Variants in UGCG observed in about 807,000 individuals in gnomAD.
UGCG encodes UDP-glucose ceramide glucosyltransferase.
In UGCG, 10 loss-of-function variants were observed where a neutral mutation model predicts 49.5. The observed-to-expected ratio is 0.20, with a 90% confidence interval of 0.12 to 0.34. The LOEUF (loss-of-function observed/expected upper bound fraction) is 0.34. UGCG is among the 10% of genes least tolerant of loss of function. The pLI is 1.00. For synonymous variants in UGCG, 182 were observed against 158.2 expected (o/e 1.15, Z -1.13); for missense variants, 312 against 483.7 (o/e 0.65, Z 3.33).
chr9:111,921,802 A>AGTTTTTTTTTTTTTTTTTT (rs1554735821), intron 2 of UGCG, among the ~76,000 whole-genome samples: 1 of 55,536 alleles, frequency 1.8e-5, no homozygotes, highest in African/African-American at 6.6e-5. Flanking sequence ...CCCCAGGGTG[A>AGTTTTTTTTTTTTTTTTTT]TTTTTTTTTT....
chr9:111,909,059 T>G (rs568402010), intron 1 of UGCG, among the ~76,000 whole-genome samples: 1 of 152,304 alleles, frequency 6.6e-6, no homozygotes, highest in African/African-American at 2.4e-5. Context: ...GCTGGAATTA[T>G]AGGCGTGTGC....
Position 111,909,191 on chromosome 9 carries a change from ATTAT to A in UGCG, c.99-5413_99-5410del, listed in dbSNP as rs1329628472. On this transcript the variant is annotated intron_variant, in intron 1 of 8. Transcript: ENST00000374279. ...TGCCTCATCTTCCCAAAGTGCTAGA[ATTAT>A]AAGCATGAGCCACTGCACCAGCCCA... Among the ~76,000 whole-genome samples, 18 of 152,326 alleles carry A rather than the reference ATTAT, an allele frequency of 1.2e-4. 1 individual carries two copies. Among genetic ancestry groups the A allele is most frequent in the African/African-American group, 4.1e-4 (17 of 41,572 alleles).
chr9:111,912,115 A>G (rs1413315783), intron 1 of UGCG, among the ~76,000 whole-genome samples: 1 of 146,328 alleles, frequency 6.8e-6, no homozygotes, highest in African/African-American at 2.6e-5. Context: ...GATGTTCTTT[A>G]CCTGGTGGGT....
intron 3 of UGCG, 139 bp downstream of exon 3, chr9:111,923,090 C>T: frequency 2.2e-6 from 1 of 450,008 alleles, no homozygotes; most frequent in Non-Finnish European, 3.7e-6. Flanking sequence ...TGTTTACGTC[C>T]TTTTGAGAAA....
At chr9:111,899,478 A>G (rs1184878739) in intron 1 of UGCG, among the ~76,000 whole-genome samples, 2 of 152,186 alleles carry the variant, frequency 1.3e-5, no homozygotes, top group South Asian at 2.1e-4. Context: ...CTGTGCTGCA[A>G]TCTGTTGCTG....
intron 2 of UGCG, among the ~76,000 whole-genome samples, chr9:111,919,843 A>G (rs1838188607): frequency 6.6e-6 from 1 of 151,884 alleles, no homozygotes; most frequent in Admixed American, 6.6e-5. Flanking sequence ...AAAACAAGGA[A>G]CTCTTTAGAG....
At chr9:111,920,956 G>A (rs964872744) in intron 2 of UGCG, among the ~76,000 whole-genome samples, 2 of 151,598 alleles carry the variant, frequency 1.3e-5, no homozygotes, top group African/African-American at 4.8e-5. Flanking sequence ...AGGCTGGAGT[G>A]CAGTGGCGTG....
chr9:111,908,796 G>A (rs933470101), intron 1 of UGCG, among the ~76,000 whole-genome samples: 2 of 152,170 alleles, frequency 1.3e-5, no homozygotes, highest in African/African-American at 4.8e-5. Context: ...ACCCTGATCT[G>A]AGACACTAAA....
In UGCG at chr9:111,897,104, T is replaced by A. The variant is rs1589513643; in HGVS notation, c.-112T>A. The A allele has an allele frequency of 2.6e-5, 9 of 350,070 alleles. No homozygotes were observed. Among genetic ancestry groups the A allele is most frequent in the Non-Finnish European group, 2.9e-5 (6 of 207,592 alleles). 21.7% of individuals were successfully genotyped at this position (350,070 alleles called of 1,614,324 possible). A position where few individuals can be genotyped will look rare whatever the true frequency, so the allele number is the denominator to read the frequency against. Reference sequence around the variant, plus strand: ...CCCTCCGCCCTTTCCTCTCCCCACCTTCCTCTCGCCTCCCGCGCCCCCGCA... The same window carrying A: ...CCCTCCGCCCTTTCCTCTCCCCACCATCCTCTCGCCTCCCGCGCCCCCGCA... On this transcript the variant is annotated 5_prime_UTR_variant, in exon 1 of 9. Transcript: ENST00000374279.
rs888542963 is a variant in UGCG at position 111,930,312 on chromosome 9, A to G, written c.737+634A>G. On this transcript the variant is annotated intron_variant, in intron 6 of 8. Coordinates refer to ENST00000374279, the MANE Select transcript of UGCG (RefSeq NM_003358.3). ...TCTGTGTTTTAGAAGAATTAAAACTATCAGTGCAGTCATAAACTAGTAGGT... is the reference window on the plus strand; with the variant it reads ...TCTGTGTTTTAGAAGAATTAAAACTGTCAGTGCAGTCATAAACTAGTAGGT... Among the ~76,000 whole-genome samples the G allele has an allele frequency of 5.3e-5, 8 of 152,346 alleles. 1 individual carries two copies. Among genetic ancestry groups the G allele is most frequent in the South Asian group, 4.1e-4 (2 of 4,830 alleles).
At chr9:111,898,171 A>T (rs1197168833) in intron 1 of UGCG, among the ~76,000 whole-genome samples, 1 of 151,654 alleles carries the variant, frequency 6.6e-6, no homozygotes, top group Non-Finnish European at 1.5e-5. Context: ...GAATAGAGAC[A>T]TGGGTTATGT....
chr9:111,904,867 G>A (rs1413997049), intron 1 of UGCG, among the ~76,000 whole-genome samples: 1 of 151,720 alleles, frequency 6.6e-6, no homozygotes, highest in Non-Finnish European at 1.5e-5. Flanking sequence ...TGTCTTGGAG[G>A]AAAAAAAATT....
intron 1 of UGCG, among the ~76,000 whole-genome samples, chr9:111,906,011 G>A (rs1262309346): frequency 6.6e-6 from 1 of 152,158 alleles, no homozygotes; most frequent in Non-Finnish European, 1.5e-5. Flanking sequence ...ATATTCTACT[G>A]TAGTGTTTCT....
chr9:111,933,045 A>ACATAAT lies in UGCG; in HGVS notation c.*48_*49insCATAAT. The ACATAAT allele has an allele frequency of 7.3e-7, 1 of 1,371,062 alleles. No individual in the cohort carries two copies. Among genetic ancestry groups the ACATAAT allele is most frequent in the Non-Finnish European group, 9.5e-7 (1 of 1,051,310 alleles). 84.9% of individuals were successfully genotyped at this position (1,371,062 alleles called of 1,614,324 possible). ...AAAGGAAAAAAGAGAAGTATTATAA[A>ACATAAT]TTATGTTTATATAAATGCTTTTAAA... On this transcript the variant is annotated 3_prime_UTR_variant, in exon 9 of 9. Coordinates refer to ENST00000374279, the MANE Select transcript of UGCG (RefSeq NM_003358.3).
rs148268351 is a variant in UGCG, at chr9:111,914,393, G to A, written c.99-212G>A. 6.6e-3 allele frequency among the ~76,000 whole-genome samples: 1,011 copies of A among 152,268 alleles called. 20 individuals carry two copies. The highest frequency in any genetic ancestry group is 0.023 in the African/African-American group (953 of 41,554). On this transcript the variant is annotated intron_variant, in intron 1 of 8. Transcript: ENST00000374279. The stretch of plus-strand genomic sequence containing the variant: ...AAAAAATCGCAAAAAATCTCATAAT[G>A]TTTTAAGAAAGTTTATGAATTTGTG...
intron 1 of UGCG, among the ~76,000 whole-genome samples, chr9:111,899,558 T>C (rs558535794): frequency 6.6e-6 from 1 of 152,352 alleles, no homozygotes; most frequent in South Asian, 2.1e-4. Context: ...CTGTTTTTTG[T>C]CTTTTAACTT....
intron 2 of UGCG, chr9:111,915,894 G>A (rs1159511981): frequency 1.1e-6 from 1 of 929,542 alleles, no homozygotes; most frequent in Non-Finnish European, 1.3e-6. Context: ...TTATTGCTTT[G>A]GAGTTTTGGA....
Position 111,914,866 on chromosome 9 carries a change from G to A in UGCG, c.240+120G>A, listed in dbSNP as rs574623245. ...GTATTAAAAATTCATGATGATATTG[G>A]CCTCATAAAATATAACCTTTAGTAG... On this transcript the variant is annotated intron_variant, in intron 2 of 8. Coordinates refer to ENST00000374279, the MANE Select transcript of UGCG (RefSeq NM_003358.3). 1.4e-5 allele frequency: 20 copies of A among 1,386,200 alleles called. No homozygotes were observed. The South Asian group carries it at 2.7e-4, about 19-fold the overall frequency. The allele number at this position is 1,386,200 out of a possible 1,614,324, so 85.9% of individuals were successfully genotyped here.
intron 3 of UGCG, among the ~76,000 whole-genome samples, chr9:111,923,645 C>G (rs1399197605): frequency 6.8e-6 from 1 of 146,192 alleles, no homozygotes; most frequent in African/African-American, 2.5e-5. Context: ...TTTTTTTTTT[C>G]TTTGATACGA....
Sources: gnomAD v4.1 joint callset for allele counts (sites outside exome capture counted in the v4.1 genomes callset) on GRCh38, gnomAD v4.1.1 for gene constraint, MANE v1.5 for transcripts, NCBI Gene and HGNC (gene_info 2026-07-23, HGNC 2026-07-21) for gene names.